The following KIFAP3 variants were observed in gnomAD, a reference collection of about 807,000 sequenced individuals.
KIFAP3 encodes kinesin-associated protein 3.
In KIFAP3, 68 loss-of-function variants were observed where a neutral mutation model predicts 106.5. The ratio of observed to expected loss-of-function variants is 0.64; its 90% CI spans 0.53 to 0.78. The LOEUF is 0.78. KIFAP3 is among the 30% of genes least tolerant of loss of function. The pLI is 0.00. For missense variants in KIFAP3, 780 were observed against 941.8 expected, an observed-to-expected ratio of 0.83 and a Z score of 2.25; for synonymous variants, 320 against 311.5, an observed-to-expected ratio of 1.03 and a Z score of -0.29.
At chr1:170,064,325 G>A (rs1332462909) in intron 1 of KIFAP3, among the ~76,000 whole-genome samples, 4 of 152,114 alleles carry the variant, frequency 2.6e-5, no homozygotes, top group Admixed American at 2.6e-4. Flanking sequence ...AATGTTAAGG[G>A]AAATGTTTCT....
rs151179615 is a variant in KIFAP3, at chr1:170,029,789, T to C, written c.841+2097A>G. Among the ~76,000 whole-genome samples the C allele has an allele frequency of 8.5e-3, 1,289 of 152,068 alleles. 22 individuals carry two copies. The highest frequency in any genetic ancestry group is 0.028 in the African/African-American group (1,172 of 41,556). ...TGGCATCAAAAACACACAAAAGTGA[T>C]GGATAGAACAAAATAGAAACCCAAA... is the stretch of plus-strand genomic sequence containing the variant. On this transcript the variant is annotated intron_variant, in intron 8 of 19. Transcript: ENST00000361580.
intron 18 of KIFAP3, among the ~76,000 whole-genome samples, chr1:169,959,537 T>C (rs1445819495): frequency 6.6e-6 from 1 of 152,114 alleles, no homozygotes; most frequent in Non-Finnish European, 1.5e-5. Flanking sequence ...TTAAAAAGTA[T>C]CAGAAAAATA....
intron 5 of KIFAP3, among the ~76,000 whole-genome samples, chr1:170,037,337 G>T (rs1023850409): frequency 6.6e-6 from 1 of 152,210 alleles, no homozygotes; most frequent in South Asian, 2.1e-4. Flanking sequence ...GCAACAACCA[G>T]AAAGGCATTC....
At chr1:170,014,619 C>T (rs1010677396) in intron 10 of KIFAP3, among the ~76,000 whole-genome samples, 5 of 152,094 alleles carry the variant, frequency 3.3e-5, no homozygotes, top group Admixed American at 6.6e-5. Context: ...TAGTGCTTAG[C>T]GCTGTGCTTT....
At chr1:170,051,396 G>A (rs1396129145) in intron 2 of KIFAP3, among the ~76,000 whole-genome samples, 13 of 152,076 alleles carry the variant, frequency 8.5e-5, no homozygotes, top group Non-Finnish European at 1.5e-4. Flanking sequence ...ATAATAGTGG[G>A]AGACTTTAAT....
chr1:170,063,666 G>A (rs911354720), intron 1 of KIFAP3, among the ~76,000 whole-genome samples: 4 of 152,126 alleles, frequency 2.6e-5, no homozygotes, highest in Non-Finnish European at 5.9e-5. Context: ...ACACACCCAT[G>A]TGTGTCTATT....
At chr1:169,983,456 AG>A in intron 12 of KIFAP3, 74 bp from the exon 13 acceptor site, 1 of 948,326 alleles carries the variant, frequency 1.1e-6, no homozygotes, top group Non-Finnish European at 1.6e-6. Flanking sequence ...TTCTCAAAAA[AG>A]CCACAACAAT....
chr1:169,985,500 G>A (rs1221403795), intron 11 of KIFAP3, among the ~76,000 whole-genome samples: 1 of 151,868 alleles, frequency 6.6e-6, no homozygotes, highest in Non-Finnish European at 1.5e-5. Flanking sequence ...ACATGGTGCT[G>A]CCAACATCTA....
At chr1:169,924,414 C>G (rs191421239) in intron 19 of KIFAP3, among the ~76,000 whole-genome samples, 3 of 152,098 alleles carry the variant, frequency 2.0e-5, no homozygotes, top group Non-Finnish European at 2.9e-5. Context: ...AATTTGAAAC[C>G]AAACTCTAAA....
In KIFAP3 at chr1:169,984,530, A is replaced by G. The variant is rs138815968; in HGVS notation, c.1393+52T>C. On this transcript the variant is annotated intron_variant, in intron 12 of 19. Transcript: ENST00000361580. ...TAATTCCTTATATCTATTTTCCATC[A>G]TATACCAAATACCATATGCTAAAAA... The G allele has an allele frequency of 7.6e-5, 58 of 760,038 alleles. No individual in the cohort carries two copies. In the East Asian group the frequency reaches 1.2e-3, roughly 15 times the overall value. The allele number at this position is 760,038 out of a possible 1,614,324, so 47.1% of individuals were successfully genotyped here. A position where few individuals can be genotyped will look rare whatever the true frequency, so the allele number is the denominator to read the frequency against.
At chr1:170,014,073 T>C (rs1668386554) in intron 10 of KIFAP3, among the ~76,000 whole-genome samples, 2 of 152,178 alleles carry the variant, frequency 1.3e-5, no homozygotes, top group African/African-American at 4.8e-5. Context: ...CTGGACATAC[T>C]ACATCTTCTC....
At chr1:170,028,198 G>C (rs1334069181) in intron 8 of KIFAP3, among the ~76,000 whole-genome samples, 2 of 88,548 alleles carry the variant, frequency 2.3e-5, no homozygotes, top group African/African-American at 4.5e-5. Context: ...ACAGAAATAT[G>C]GATCTACACA....
At chr1:169,945,715 A>G (rs78395232) in intron 19 of KIFAP3, among the ~76,000 whole-genome samples, 4,025 of 152,314 alleles carry the variant, frequency 0.026, 98 homozygotes, top group South Asian at 0.092. Flanking sequence ...GTTTCAAAAG[A>G]AAGCGAATCA....
chr1:170,049,879 G>C lies in KIFAP3; in HGVS notation c.165-3013C>G, dbSNP rs114298081. 6.0e-3 allele frequency among the ~76,000 whole-genome samples: 903 copies of C among 151,510 alleles called. 9 individuals are homozygous for C. Among genetic ancestry groups the C allele is most frequent in the African/African-American group, 0.021 (851 of 41,298 alleles). On this transcript the variant is annotated intron_variant, in intron 2 of 19. Coordinates refer to ENST00000361580, the MANE Select transcript of KIFAP3 (RefSeq NM_014970.4). ...GATCAAAGGATAAATCCATGAAAATGAGAAAAAAACCAGCGCAAAAATGCT... is the reference window on the plus strand; with the variant it reads ...GATCAAAGGATAAATCCATGAAAATCAGAAAAAAACCAGCGCAAAAATGCT...
At chr1:169,992,082 A>G (rs566984287) in intron 11 of KIFAP3, 73 bp downstream of exon 11, 6 of 655,298 alleles carry the variant, frequency 9.2e-6, no homozygotes, top group Middle Eastern at 4.7e-4. Context: ...GAAAATCTTG[A>G]CAAATCAAGA....
rs1287194218 is a variant in KIFAP3 at position 169,984,200 on chromosome 1, A to G, written c.1393+382T>C. Reference sequence around the variant, plus strand: ...AAATAAGGCAAAAACTATCGGGCAGACTCTGAAACATCATAATGTATGACA... The same window carrying G: ...AAATAAGGCAAAAACTATCGGGCAGGCTCTGAAACATCATAATGTATGACA... On this transcript the variant is annotated intron_variant, in intron 12 of 19. Transcript: ENST00000361580. 2.0e-5 allele frequency among the ~76,000 whole-genome samples: 3 copies of G among 151,922 alleles called. No individual in the cohort carries two copies. The East Asian group carries it at 5.8e-4, about 29-fold the overall frequency.
intron 17 of KIFAP3, among the ~76,000 whole-genome samples, chr1:169,969,443 C>G (rs1433074002): frequency 6.6e-6 from 1 of 151,986 alleles, no homozygotes; most frequent in African/African-American, 2.4e-5. Context: ...TGGTTTCTTT[C>G]CTTTTAATAA....
intron 10 of KIFAP3, among the ~76,000 whole-genome samples, chr1:170,006,728 G>C (rs1032479607): frequency 1.2e-4 from 18 of 152,068 alleles, no homozygotes; most frequent in African/African-American, 4.3e-4. Context: ...GGTGAGGGTA[G>C]GGCAGAGATC....
In KIFAP3 at chr1:170,009,985, A is replaced by G. The variant is rs190694624; in HGVS notation, c.1183+6477T>C. Among the ~76,000 whole-genome samples the G allele has an allele frequency of 8.4e-3, 1,275 of 152,206 alleles. 21 individuals are homozygous for G. The highest frequency in any genetic ancestry group is 0.028 in the African/African-American group (1,159 of 41,536). On this transcript the variant is annotated intron_variant, in intron 10 of 19. Transcript: ENST00000361580. ...AGTCCAATTCAATTTGCAGATAATC[A>G]CATTTGCTGAAGCCAATGGCTATGA...
Sources: allele counts gnomAD v4.1 joint callset (sites outside exome capture counted in the v4.1 genomes callset), GRCh38; gene constraint gnomAD v4.1.1; transcripts MANE v1.5; gene names NCBI Gene and HGNC (gene_info 2026-07-23, HGNC 2026-07-21).